The following EIF4ENIF1 variants were observed in gnomAD, a reference collection of about 807,000 sequenced individuals.
The protein encoded by EIF4ENIF1 is eukaryotic translation initiation factor 4E transporter.
A neutral mutation model predicts 110.5 loss-of-function variants in EIF4ENIF1; 23 were observed. That is an observed-to-expected ratio of 0.21 (90% CI 0.15 to 0.29). The LOEUF (loss-of-function observed/expected upper bound fraction) is 0.29, where lower values mean the gene tolerates loss of function less well. EIF4ENIF1 is among the 10% of genes least tolerant of loss of function. The pLI, the probability that EIF4ENIF1 is intolerant of heterozygous loss-of-function variation, is 1.00. For missense variants in EIF4ENIF1, 1,031 were observed against 1,221.1 expected, an observed-to-expected ratio of 0.84 and a Z score of 2.32; for synonymous variants, 440 against 437.0, an observed-to-expected ratio of 1.01 and a Z score of -0.09.
intron 2 of EIF4ENIF1, among the ~76,000 whole-genome samples, chr22:31,481,622 A>C (rs2051819266): frequency 6.6e-6 from 1 of 152,186 alleles, no homozygotes; most frequent in Non-Finnish European, 1.5e-5. Flanking sequence ...CTAGGATTTA[A>C]ATCAGTTACT....
At chr22:31,440,642 C>T in intron 18 of EIF4ENIF1, 62 bp downstream of exon 18, 2 of 1,550,790 alleles carry the variant, frequency 1.3e-6, no homozygotes, top group Non-Finnish European at 1.7e-6. Context: ...GGAAACTAGT[C>T]CTCAAAGCTT....
At position 31,471,550 on chromosome 22, in the gene EIF4ENIF1, G is replaced by A. The variant is rs150133282; in HGVS notation, c.170+294C>T. On this transcript the variant is annotated intron_variant, in intron 3 of 18. Transcript: ENST00000330125. ...AGGATGGTCTCGATCTCCTGACCTC[G>A]TGATCCGCCTGCCTTGGCCTCCCAA... Among the ~76,000 whole-genome samples the A allele has an allele frequency of 5.0e-3, 761 of 152,252 alleles. 6 individuals carry two copies. Among genetic ancestry groups the A allele is most frequent in the African/African-American group, 0.017 (711 of 41,552 alleles).
chr22:31,442,578 A>AT (rs2050336401), intron 16 of EIF4ENIF1, among the ~76,000 whole-genome samples: 2 of 152,064 alleles, frequency 1.3e-5, no homozygotes, highest in South Asian at 4.1e-4. Flanking sequence ...CCTCTCACAT[A>AT]TTTTCTATGT....
In EIF4ENIF1 at chr22:31,455,916, G is replaced by A. The variant is rs1488440813; in HGVS notation, c.1035C>T (p.Ser345=). The change falls in exon 8 of 19, where the codon AGC becomes AGT. Residue 345 remains serine, a synonymous_variant. Transcript: ENST00000330125. ...SRFSRWFSNP[S]RSGSRSSSLG... ...GACTGCTGGATCGGCTTCCTGATCTGCTCGGGTTAGAGAACCACCTACTGA... is the reference window on the plus strand; with the variant it reads ...GACTGCTGGATCGGCTTCCTGATCTACTCGGGTTAGAGAACCACCTACTGA... 7.4e-6 allele frequency: 12 copies of A among 1,614,154 alleles called. No individual in the cohort carries two copies. Among genetic ancestry groups the A allele is most frequent in the Non-Finnish European group, 9.3e-6 (11 of 1,180,024 alleles).
intron 2 of EIF4ENIF1, among the ~76,000 whole-genome samples, chr22:31,476,450 T>C (rs1349118710): frequency 3.3e-5 from 5 of 152,120 alleles, no homozygotes; most frequent in African/African-American, 9.7e-5. Flanking sequence ...AAGCCTAATT[T>C]TGGTCCTATT....
rs763207714 is a variant in EIF4ENIF1 at position 31,455,846 on chromosome 22, T to C, written c.1099+6A>G. 7 of 1,613,398 alleles carry C rather than the reference T, an allele frequency of 4.3e-6. No homozygotes were observed. The highest frequency in any genetic ancestry group is 5.9e-6 in the Non-Finnish European group (7 of 1,179,712). ...CCTTCAAGGGCAGAATCTGAAGCCA[T>C]TTTACCTGCAAGTCTCTCTAGCTCT... On this transcript the variant is annotated splice_donor_region_variant and intron_variant, in intron 8 of 18. Transcript: ENST00000330125.
At chr22:31,441,395 C>T (rs530847997) in intron 17 of EIF4ENIF1, among the ~76,000 whole-genome samples, 1 of 151,588 alleles carries the variant, frequency 6.6e-6, no homozygotes, top group Admixed American at 6.6e-5. Flanking sequence ...AATAAATTAT[C>T]CGGGTGTGGC....
chr22:31,489,991 G>C (rs773016890), upstream of EIF4ENIF1: 1 of 152,348 alleles, frequency 6.6e-6, no homozygotes, highest in African/African-American at 2.4e-5. Flanking sequence ...ATCGCCGCGC[G>C]CTTCCCGGAC....
At chr22:31,468,937 T>G (rs1569093456) in intron 3 of EIF4ENIF1, among the ~76,000 whole-genome samples, 1 of 152,164 alleles carries the variant, frequency 6.6e-6, no homozygotes, top group Non-Finnish European at 1.5e-5. Flanking sequence ...AAATATTAAC[T>G]GTTGTTTACT....
chr22:31,468,286 G>A lies in EIF4ENIF1; in HGVS notation c.187C>T (p.Pro63Ser). 6.2e-7 allele frequency: 1 copy of A among 1,614,050 alleles called. No homozygotes were observed. Among genetic ancestry groups the A allele is most frequent in the Non-Finnish European group, 8.5e-7 (1 of 1,180,002 alleles). ...EKYDSDGVWD[P>S]EKWHASLYPA... ...TAGAGAGAGGCATGCCACTTCTCAGGGTCCCAGACACCATCACTACAGGTC... is the reference window on the plus strand; with the variant it reads ...TAGAGAGAGGCATGCCACTTCTCAGAGTCCCAGACACCATCACTACAGGTC... The change falls in exon 4 of 19, where the codon CCT becomes TCT. Residue 63 changes from proline (P) to serine (S), a missense_variant. Pro to Ser is a moderately conservative substitution (Grantham distance 74). Around this residue, in one of 3 missense-constraint regions of EIF4ENIF1, gnomAD observed 704 missense variants for 879.7 expected, o/e 0.80. Coordinates refer to ENST00000330125, the MANE Select transcript of EIF4ENIF1 (RefSeq NM_019843.4).
chr22:31,453,281 AACTTCATGCC>A (rs2145942094), intron 10 of EIF4ENIF1: 1 of 324,482 alleles, frequency 3.1e-6, no homozygotes, highest in African/African-American at 2.2e-5. Flanking sequence ...CTTGTAACCT[AACTTCATGCC>A]TACAAGTTTT....
intron 12 of EIF4ENIF1, 45 bp from the exon 13 acceptor site, chr22:31,448,277 G>A (rs766126155): frequency 1.3e-6 from 2 of 1,583,600 alleles, no homozygotes; most frequent in Non-Finnish European, 8.7e-7. Flanking sequence ...TGGTATGTGT[G>A]CATCAGGGAG....
chr22:31,449,470 C>T lies in EIF4ENIF1; in HGVS notation c.1646G>A (p.Gly549Glu). Residue 549 changes from glycine (G) to glutamate (E), a missense_variant, in exon 12 of 19, where the codon GGG (glycine) becomes GAG (glutamate). Gly to Glu is a moderately conservative substitution (Grantham distance 98, BLOSUM62 -2). Transcript: ENST00000330125. ...TAAAGATGTTGTAGGCTCCAAGCTC[C>T]CCATAAGGCCACTCAGAAGATTGGA... is the stretch of plus-strand genomic sequence containing the variant. ...ASSNLLSGLMGSLEPTTSLLG... is the reference protein window; with the variant it reads ...ASSNLLSGLMESLEPTTSLLG... 6.2e-7 allele frequency: 1 copy of T among 1,614,052 alleles called. No individual in the cohort carries two copies. The highest frequency in any genetic ancestry group is 8.5e-7 in the Non-Finnish European group (1 of 1,180,004).
intron 3 of EIF4ENIF1, among the ~76,000 whole-genome samples, chr22:31,471,337 C>T (rs1371848085): frequency 8.9e-5 from 13 of 145,660 alleles, no homozygotes; most frequent in African/African-American, 2.3e-4. Context: ...TTTTTTGAGA[C>T]GGAATCTCGC....
chr22:31,483,321 C>T (rs1259125096), intron 2 of EIF4ENIF1, among the ~76,000 whole-genome samples: 2 of 150,676 alleles, frequency 1.3e-5, no homozygotes, highest in Non-Finnish European at 3.0e-5. Flanking sequence ...CACCTCAGTC[C>T]CCTGTGTAGC....
chr22:31,447,679 TACTGCGAA>T, intron 13 of EIF4ENIF1, 114 bp from the exon 14 acceptor site: 1 of 1,180,054 alleles, frequency 8.5e-7, no homozygotes, highest in Non-Finnish European at 1.2e-6. Context: ...AAAAATTAGA[TACTGCGAA>T]ACTGACTAGA....
At chr22:31,438,027 C>G (rs571512357), downstream of EIF4ENIF1, among the ~76,000 whole-genome samples, 1 of 152,138 alleles carries the variant, frequency 6.6e-6, no homozygotes, top group Admixed American at 6.6e-5. Flanking sequence ...TGCAAGTACA[C>G]GGCAGGGTGG....
chr22:31,447,353 T>C, intron 14 of EIF4ENIF1, 73 bp downstream of exon 14: 9 of 1,572,040 alleles, frequency 5.7e-6, no homozygotes, highest in African/African-American at 2.7e-5. Context: ...AGAATTATAC[T>C]GCAGATAAGT....
intron 2 of EIF4ENIF1, among the ~76,000 whole-genome samples, chr22:31,480,599 C>CA (rs2051777751): frequency 6.6e-6 from 1 of 151,688 alleles, no homozygotes; most frequent in Non-Finnish European, 1.5e-5. Flanking sequence ...ACTAAAAATA[C>CA]AAAAAATTAG....
Sources: gnomAD v4.1 joint callset for allele counts (sites outside exome capture counted in the v4.1 genomes callset) on GRCh38, gnomAD v4.1.1 for gene constraint, gnomAD v4.1.1 regional missense constraint, MANE v1.5 for transcripts, NCBI Gene and HGNC (gene_info 2026-07-23, HGNC 2026-07-21) for gene names.